The following DCC variants were observed in gnomAD, a reference collection of about 807,000 sequenced individuals.
The protein encoded by DCC is netrin receptor DCC.
Under a neutral mutation model 172.5 loss-of-function variants are expected in DCC, and 58 were observed. The observed-to-expected ratio is 0.34, with a 90% confidence interval of 0.27 to 0.42. The LOEUF (loss-of-function observed/expected upper bound fraction) is 0.42, where lower values mean the gene tolerates loss of function less well. Among genes scored for constraint, DCC ranks in the 10% least tolerant of loss-of-function variants. The pLI is 1.00. For missense variants in DCC, 1,740 were observed against 1,791.0 expected (o/e 0.97, Z 0.51); for synonymous variants, 709 against 644.5 (o/e 1.10, Z -1.52).
At chr18:53,152,660 A>G (rs1263347296) in intron 7 of DCC, among the ~76,000 whole-genome samples, 2 of 152,188 alleles carry the variant, frequency 1.3e-5, no homozygotes, top group Non-Finnish European at 2.9e-5. Flanking sequence ...AGCTGTAGCT[A>G]TAGCAACAGT....
At chr18:53,475,481 G>A (rs1355324231) in intron 25 of DCC, among the ~76,000 whole-genome samples, 1 of 152,210 alleles carries the variant, frequency 6.6e-6, no homozygotes, top group Admixed American at 6.5e-5. Flanking sequence ...AGCTGCTCCA[G>A]CTGTGGCTGA....
At chr18:52,995,485 GT>G (rs11289189) in intron 5 of DCC, among the ~76,000 whole-genome samples, 105,844 of 148,778 alleles carry the variant, frequency 0.71, 37,581 homozygotes, top group East Asian at 0.75. Flanking sequence ...AAAGTTTTTT[GT>G]TTTTTTTTTT....
At chr18:53,195,089 T>C (rs988419896) in intron 9 of DCC, among the ~76,000 whole-genome samples, 1 of 152,134 alleles carries the variant, frequency 6.6e-6, no homozygotes, top group Non-Finnish European at 1.5e-5. Flanking sequence ...CCTGAGAAAA[T>C]GATGCTCTGA....
At chr18:52,996,376 T>G (rs912316399) in intron 5 of DCC, among the ~76,000 whole-genome samples, 7 of 152,058 alleles carry the variant, frequency 4.6e-5, no homozygotes, top group Admixed American at 3.3e-4. Flanking sequence ...TATTTTGGTT[T>G]AGGGGAATTA....
At chr18:52,452,493 A>G (rs1235815420) in intron 1 of DCC, among the ~76,000 whole-genome samples, 1 of 152,178 alleles carries the variant, frequency 6.6e-6, no homozygotes, top group African/African-American at 2.4e-5. Flanking sequence ...CATGGCCTCT[A>G]CCATTTCCTC....
chr18:52,340,662 CGAG>C lies in DCC; in HGVS notation c.-114_-112del, dbSNP rs953905035. 5.6e-5 allele frequency: 44 copies of C among 781,242 alleles called. No homozygotes were observed. The highest frequency in any genetic ancestry group is 9.4e-5 in the Non-Finnish European group (40 of 427,100). 48.4% of individuals were successfully genotyped at this position (781,242 alleles called of 1,614,324 possible). A position where few individuals can be genotyped will look rare whatever the true frequency, so the allele number is the denominator to read the frequency against. On this transcript the variant is annotated 5_prime_UTR_variant, in exon 1 of 29. Transcript: ENST00000442544. ...TGGAGAAAGAGGTGGAGGAAGAGGA[CGAG>C]GAGGAGGAGGAAGCCGAAGGGGCTC...
chr18:53,063,786 T>C (rs1393336018), intron 6 of DCC, among the ~76,000 whole-genome samples: 4 of 152,226 alleles, frequency 2.6e-5, no homozygotes, highest in Non-Finnish European at 4.4e-5. Context: ...GTTTAGAACC[T>C]AGTTCTAGAC....
intron 2 of DCC, among the ~76,000 whole-genome samples, chr18:52,830,210 C>T (rs1228712097): frequency 6.6e-6 from 1 of 152,232 alleles, no homozygotes; most frequent in Non-Finnish European, 1.5e-5. Flanking sequence ...CCATGGGCCA[C>T]ATGCAGCCCA....
At chr18:52,661,261 G>T (rs767007129) in intron 1 of DCC, among the ~76,000 whole-genome samples, 2 of 152,142 alleles carry the variant, frequency 1.3e-5, no homozygotes, top group African/African-American at 2.4e-5. Flanking sequence ...CAGAAAACAG[G>T]TGAAAAGGGC....
chr18:52,834,092 G>T (rs116976127), intron 2 of DCC, among the ~76,000 whole-genome samples: 2,616 of 152,242 alleles, frequency 0.017, 30 homozygotes, highest in Non-Finnish European at 0.026. Flanking sequence ...TGTGGAGGAG[G>T]GCAGAGCTTC....
At chr18:52,947,473 T>G (rs771398963) in intron 5 of DCC, among the ~76,000 whole-genome samples, 16 of 152,286 alleles carry the variant, frequency 1.1e-4, no homozygotes, top group Non-Finnish European at 2.1e-4. Context: ...GTAGGAGAGC[T>G]GATATAGCAA....
chr18:52,608,194 A>C (rs1198342548), intron 1 of DCC, among the ~76,000 whole-genome samples: 1 of 152,144 alleles, frequency 6.6e-6, no homozygotes, highest in African/African-American at 2.4e-5. Flanking sequence ...CAGCATTTCT[A>C]ATACTCTGTT....
intron 5 of DCC, among the ~76,000 whole-genome samples, chr18:53,059,077 G>A (rs567359765): frequency 3.9e-5 from 6 of 152,186 alleles, no homozygotes; most frequent in Non-Finnish European, 7.4e-5. Context: ...TGTTCACATG[G>A]TGGCAGCAAG....
chr18:53,233,198 C>T (rs1279708108), intron 12 of DCC, among the ~76,000 whole-genome samples: 1 of 152,174 alleles, frequency 6.6e-6, no homozygotes, highest in East Asian at 1.9e-4. Flanking sequence ...AGCCACTAAA[C>T]CTTTCTACAT....
At chr18:52,411,892 T>A (rs774128451) in intron 1 of DCC, among the ~76,000 whole-genome samples, 2 of 152,178 alleles carry the variant, frequency 1.3e-5, no homozygotes, top group African/African-American at 4.8e-5. Context: ...TCATCACTTA[T>A]GCTGTGTCCG....
chr18:53,243,802 G>A lies in DCC; in HGVS notation c.1911+28205G>A, dbSNP rs143688826. On this transcript the variant is annotated intron_variant, in intron 12 of 28. Coordinates refer to ENST00000442544, the MANE Select transcript of DCC (RefSeq NM_005215.4). ...TTAAGAACAACAGATCTGACTCCCC[G>A]ATTCAGCTGATTCCTCTGAAGAAAT... 1.6e-3 allele frequency among the ~76,000 whole-genome samples: 251 copies of A among 152,226 alleles called. 2 individuals are homozygous for A. The highest frequency in any genetic ancestry group is 5.1e-3 in the African/African-American group (213 of 41,556).
chr18:52,838,883 C>G (rs1244028441), intron 2 of DCC, among the ~76,000 whole-genome samples: 1 of 152,044 alleles, frequency 6.6e-6, no homozygotes. Context: ...TGAAGAGGAT[C>G]TTAGAAGATA....
intron 1 of DCC, among the ~76,000 whole-genome samples, chr18:52,719,237 C>G (rs1325458880): frequency 3.9e-5 from 6 of 152,002 alleles, no homozygotes; most frequent in Non-Finnish European, 8.8e-5. Flanking sequence ...TTTGTGAAGA[C>G]CTTATCTCTA....
chr18:53,128,967 A>G (rs1337058095), intron 7 of DCC, among the ~76,000 whole-genome samples: 1 of 149,958 alleles, frequency 6.7e-6, no homozygotes, highest in Non-Finnish European at 1.5e-5. Context: ...GCACACTGCA[A>G]CCTGCATCTC....
Sources: gnomAD v4.1 joint callset for allele counts (sites outside exome capture counted in the v4.1 genomes callset) on GRCh38, gnomAD v4.1.1 for gene constraint, MANE v1.5 for transcripts, NCBI Gene and HGNC (gene_info 2026-07-23, HGNC 2026-07-21) for gene names.